Variants in CTBP1 observed in about 807,000 individuals in gnomAD.
CTBP1 encodes the protein C-terminal-binding protein 1.
CTBP1 carries 11 observed loss-of-function variants against 42.1 expected under a neutral mutation model. The observed-to-expected ratio is 0.26, with a 90% CI of 0.16 to 0.43. The LOEUF (loss-of-function observed/expected upper bound fraction) is 0.43, where lower values mean the gene tolerates loss of function less well. Ranked by LOEUF, CTBP1 falls within the 20% of genes least tolerant of loss-of-function variation. CTBP1 has a pLI of 1.00. For missense variants in CTBP1, 399 were observed against 624.3 expected, an observed-to-expected ratio of 0.64 and a Z score of 3.85; for synonymous variants, 324 against 277.1, an observed-to-expected ratio of 1.17 and a Z score of -1.68.
intron 1 of CTBP1, chr4:1,244,148 C>A (rs185568701): frequency 1.0e-6 from 1 of 985,202 alleles, no homozygotes; most frequent in South Asian, 4.7e-5. Context: ...CACATGTCAA[C>A]GCCCTGTCTC....
intron 3 of CTBP1, among the ~76,000 whole-genome samples, chr4:1,232,153 C>T (rs1037007035): frequency 6.6e-6 from 1 of 152,250 alleles, no homozygotes; most frequent in African/African-American, 2.4e-5. Context: ...AAGCGATCCT[C>T]TGGCCTTGGC....
intron 1 of CTBP1, chr4:1,243,144 A>C (rs1732355624): frequency 1.0e-6 from 1 of 985,276 alleles, no homozygotes. Flanking sequence ...GCCAATACTC[A>C]ATACTGCCCA....
intron 1 of CTBP1, chr4:1,243,032 G>A (rs868430221): frequency 8.1e-6 from 8 of 985,190 alleles, no homozygotes; most frequent in African/African-American, 3.5e-5. Flanking sequence ...TCATTGATAC[G>A]GGCCAATACT....
chr4:1,245,238 C>G, intron 1 of CTBP1: 1 of 985,462 alleles, frequency 1.0e-6, no homozygotes, highest in African/African-American at 1.7e-5. Context: ...GCTCAGAGGA[C>G]ACAGCGCAGG....
chr4:1,234,771 G>A (rs1008094493), intron 3 of CTBP1: 1 of 152,178 alleles, frequency 6.6e-6, no homozygotes, highest in Non-Finnish European at 1.5e-5. Flanking sequence ...ACCTAACAAA[G>A]GGCACTGTCC....
intron 1 of CTBP1, among the ~76,000 whole-genome samples, chr4:1,245,894 C>G (rs1560288275): frequency 6.6e-6 from 1 of 152,200 alleles, no homozygotes; most frequent in Admixed American, 6.5e-5. Context: ...ACCAAACCAA[C>G]TGGGCTTCCC....
chr4:1,214,499 C>T (rs1411164523), intron 6 of CTBP1, 26 bp from the exon 7 acceptor site: 4 of 1,551,986 alleles, frequency 2.6e-6, no homozygotes, highest in African/African-American at 2.8e-5. Flanking sequence ...ACAGGCCAGG[C>T]CCAGTCAGGG....
At chr4:1,217,594 G>C in intron 5 of CTBP1, 1 of 152,390 alleles carries the variant, frequency 6.6e-6, no homozygotes, top group South Asian at 2.1e-4. Context: ...ACAAAGCCCC[G>C]GAAGTCGGGC....
At chr4:1,241,813 T>C (rs1193605736) in intron 1 of CTBP1, 11 of 1,172,670 alleles carry the variant, frequency 9.4e-6, no homozygotes, top group Non-Finnish European at 1.2e-5. Flanking sequence ...CCCCACAGGC[T>C]CTAGCCGCAT....
chr4:1,243,412 C>T, intron 1 of CTBP1: 1 of 985,382 alleles, frequency 1.0e-6, no homozygotes, highest in Non-Finnish European at 1.2e-6. Flanking sequence ...GGGCTGCACC[C>T]CATGCCACAG....
At chr4:1,242,010 G>T (rs1398238655) in intron 1 of CTBP1, 1 of 1,000,286 alleles carries the variant, frequency 1.0e-6, no homozygotes, top group Non-Finnish European at 1.2e-6. Context: ...GGTGCTGCTG[G>T]CTTTCCAGCA....
intron 5 of CTBP1, 153 bp from the exon 6 acceptor site, chr4:1,216,358 T>C: frequency 1.4e-6 from 1 of 732,894 alleles, no homozygotes; most frequent in East Asian, 2.7e-5. Context: ...CCACGCACGC[T>C]CCACACGAGC....
intron 5 of CTBP1, among the ~76,000 whole-genome samples, chr4:1,222,769 C>T (rs374535072): frequency 6.7e-4 from 88 of 131,784 alleles, no homozygotes; most frequent in African/African-American, 2.0e-3. Context: ...GGGAAGGCGC[C>T]GCCCTCAGGC....
intron 5 of CTBP1, among the ~76,000 whole-genome samples, chr4:1,223,103 G>A (rs1729933497): frequency 6.6e-6 from 1 of 152,116 alleles, no homozygotes; most frequent in Non-Finnish European, 1.5e-5. Flanking sequence ...CCAGCAGGCA[G>A]TCCACGAATC....
chr4:1,239,821 T>G (rs879812199), intron 2 of CTBP1, among the ~76,000 whole-genome samples: 1 of 152,186 alleles, frequency 6.6e-6, no homozygotes, highest in Non-Finnish European at 1.5e-5. Context: ...ATCCCAAACG[T>G]GAGGTCTGCA....
At chr4:1,247,472 T>C (rs1326978636) in intron 1 of CTBP1, among the ~76,000 whole-genome samples, 1 of 152,032 alleles carries the variant, frequency 6.6e-6, no homozygotes, top group African/African-American at 2.4e-5. Context: ...AGGGGAGACC[T>C]GGGAGGCCGG....
chr4:1,243,005 A>G (rs1200387784), intron 1 of CTBP1: 2 of 985,398 alleles, frequency 2.0e-6, no homozygotes, highest in East Asian at 2.3e-4. Context: ...GCCAATACTC[A>G]TCAATACTGG....
At chr4:1,239,949 C>T (rs148507488) in intron 2 of CTBP1, among the ~76,000 whole-genome samples, 1 of 152,368 alleles carries the variant, frequency 6.6e-6, no homozygotes, top group East Asian at 1.9e-4. Flanking sequence ...CTGCACGTGG[C>T]CTCCCTCCCC....
intron 3 of CTBP1, among the ~76,000 whole-genome samples, chr4:1,231,711 T>A (rs1406171623): frequency 6.6e-6 from 1 of 152,214 alleles, no homozygotes; most frequent in African/African-American, 2.4e-5. Context: ...AGGGCAGATG[T>A]TTCTCTACGA....
Sources: gnomAD v4.1 joint callset for allele counts (sites outside exome capture counted in the v4.1 genomes callset) on GRCh38, gnomAD v4.1.1 for gene constraint, MANE v1.5 for transcripts, NCBI Gene and HGNC (gene_info 2026-07-23, HGNC 2026-07-21) for gene names.